The following NTM variants were observed in gnomAD, a reference collection of about 807,000 sequenced individuals.
NTM encodes IgLON family member 2.
In NTM, 13 loss-of-function variants were observed where a neutral mutation model predicts 42.1. That is an observed-to-expected ratio of 0.31 (90% CI 0.20 to 0.49). The LOEUF (loss-of-function observed/expected upper bound fraction) is 0.49, where lower values mean the gene tolerates loss of function less well. NTM is among the 20% of genes least tolerant of loss of function. The probability of loss-of-function intolerance (pLI) is 0.99; values close to 1 mark genes in which losing one functional copy is unlikely to be tolerated. For synonymous variants in NTM, 187 were observed against 179.2 expected, an observed-to-expected ratio of 1.04 and a Z score of -0.35; for missense variants, 373 against 452.8, an observed-to-expected ratio of 0.82 and a Z score of 1.60.
intron 1 of NTM, among the ~76,000 whole-genome samples, chr11:131,865,457 TG>T (rs1225417817): frequency 3.3e-5 from 5 of 152,246 alleles, no homozygotes; most frequent in African/African-American, 1.2e-4. Flanking sequence ...ATCACTGTAT[TG>T]TGCTCACCCA....
chr11:131,668,837 A>T (rs1045803422), intron 1 of NTM, among the ~76,000 whole-genome samples: 9 of 152,216 alleles, frequency 5.9e-5, no homozygotes, highest in African/African-American at 9.6e-5. Flanking sequence ...CCAGGGTGGA[A>T]ATGCATCCCA....
At chr11:132,256,688 G>T (rs2092501240) in intron 4 of NTM, among the ~76,000 whole-genome samples, 1 of 151,008 alleles carries the variant, frequency 6.6e-6, no homozygotes, top group African/African-American at 2.4e-5. Context: ...CCTGTTCTCA[G>T]ATGGAAGGTG....
intron 1 of NTM, among the ~76,000 whole-genome samples, chr11:131,774,477 T>C (rs538360081): frequency 5.9e-5 from 9 of 152,352 alleles, no homozygotes; most frequent in Non-Finnish European, 8.8e-5. Context: ...ATTGTTTTCT[T>C]TCTGAAATAG....
intron 2 of NTM, among the ~76,000 whole-genome samples, chr11:132,102,868 C>T (rs1002048740): frequency 1.3e-4 from 20 of 152,322 alleles, no homozygotes; most frequent in Admixed American, 3.3e-4. Context: ...CTGTTCCTGG[C>T]ACAGCAGCCT....
chr11:131,584,494 G>T (rs2137216602), intron 1 of NTM, among the ~76,000 whole-genome samples: 1 of 152,218 alleles, frequency 6.6e-6, no homozygotes, highest in South Asian at 2.1e-4. Context: ...GGCTCCTCTG[G>T]TTCAAGCCGG....
intron 1 of NTM, among the ~76,000 whole-genome samples, chr11:131,757,372 C>T (rs991946253): frequency 4.6e-5 from 7 of 152,216 alleles, no homozygotes; most frequent in African/African-American, 1.7e-4. Context: ...TGGAGTCATG[C>T]ATGGACTCCA....
chr11:131,581,568 G>A (rs1009630163), intron 1 of NTM, among the ~76,000 whole-genome samples: 5 of 152,106 alleles, frequency 3.3e-5, no homozygotes, highest in African/African-American at 1.2e-4. Context: ...CCTTTTTAAG[G>A]GGTACTTTAT....
intron 1 of NTM, among the ~76,000 whole-genome samples, chr11:131,767,779 C>A (rs1264020348): frequency 6.6e-6 from 1 of 152,142 alleles, no homozygotes; most frequent in Non-Finnish European, 1.5e-5. Context: ...CCCATTTGCC[C>A]GACACATGGC....
chr11:131,494,671 T>A (rs1478040210), intron 1 of NTM, among the ~76,000 whole-genome samples: 2 of 152,210 alleles, frequency 1.3e-5, no homozygotes, highest in Non-Finnish European at 2.9e-5. Context: ...AATAAATGGA[T>A]GAATGTTTCA....
intron 1 of NTM, among the ~76,000 whole-genome samples, chr11:131,411,492 G>T (rs1946401192): frequency 6.6e-6 from 1 of 151,502 alleles, no homozygotes; most frequent in East Asian, 1.9e-4. Context: ...CACCAGACAA[G>T]ACTAAGGGGA....
At chr11:132,252,605 A>G (rs1331051097) in intron 4 of NTM, among the ~76,000 whole-genome samples, 1 of 152,230 alleles carries the variant, frequency 6.6e-6, no homozygotes, top group Non-Finnish European at 1.5e-5. Context: ...AAGTTGGTTA[A>G]TAAAAGAGAG....
chr11:132,236,719 T>C (rs1181372254), intron 4 of NTM, among the ~76,000 whole-genome samples: 1 of 152,236 alleles, frequency 6.6e-6, no homozygotes, highest in Non-Finnish European at 1.5e-5. Context: ...AGCAGTGGGC[T>C]GTGCTAGTGC....
At chr11:131,886,854 G>A (rs995392551) in intron 1 of NTM, among the ~76,000 whole-genome samples, 6 of 152,232 alleles carry the variant, frequency 3.9e-5, no homozygotes, top group Admixed American at 2.0e-4. Context: ...TATCTGTCCC[G>A]CTGGGATGAT....
chr11:131,894,436 A>C (rs181379716), intron 1 of NTM, among the ~76,000 whole-genome samples: 1 of 152,176 alleles, frequency 6.6e-6, no homozygotes, highest in Non-Finnish European at 1.5e-5. Flanking sequence ...GCAAAACTGG[A>C]TGTGGTAAAC....
intron 1 of NTM, among the ~76,000 whole-genome samples, chr11:131,794,278 C>A (rs1309227161): frequency 6.6e-6 from 1 of 152,108 alleles, no homozygotes; most frequent in African/African-American, 2.4e-5. Context: ...TGAGTACAAG[C>A]CAATCACCAG....
rs564856239 is a variant in NTM, at chr11:131,697,073, C to T, written c.83-214491C>T. 4.6e-5 allele frequency among the ~76,000 whole-genome samples: 7 copies of T among 152,256 alleles called. No homozygotes were observed. The East Asian group carries it at 9.6e-4, about 21-fold the overall frequency. The stretch of plus-strand genomic sequence containing the variant: ...GAGAGTGGCAGTTTTTAGACGAAGC[C>T]GGCTGGGGGCACGGTGGAATTGCCA... On this transcript the variant is annotated intron_variant, in intron 1 of 8. Coordinates refer to ENST00000683400, the MANE Select transcript of NTM (RefSeq NM_001352005.2).
chr11:131,705,925 AAGG>A (rs1320699336), intron 1 of NTM, among the ~76,000 whole-genome samples: 1 of 152,132 alleles, frequency 6.6e-6, no homozygotes, highest in African/African-American at 2.4e-5. Flanking sequence ...GAGAGGAAGA[AAGG>A]AGAACAATGC....
intron 1 of NTM, among the ~76,000 whole-genome samples, chr11:131,890,404 C>T (rs2051137440): frequency 6.6e-6 from 1 of 152,146 alleles, no homozygotes; most frequent in African/African-American, 2.4e-5. Context: ...GTAAGGCAGC[C>T]TCCTGTAATA....
chr11:132,274,136 G>A (rs898081006), intron 4 of NTM, among the ~76,000 whole-genome samples: 5 of 150,322 alleles, frequency 3.3e-5, no homozygotes, highest in African/African-American at 1.2e-4. Context: ...TTTTTTCTTT[G>A]TTCAGCCTTA....
Sources: gnomAD v4.1 joint callset for allele counts (sites outside exome capture counted in the v4.1 genomes callset) on GRCh38, gnomAD v4.1.1 for gene constraint, MANE v1.5 for transcripts, NCBI Gene and HGNC (gene_info 2026-07-23, HGNC 2026-07-21) for gene names.